Variants in TRAF5 observed in about 807,000 individuals in gnomAD.
The protein encoded by TRAF5 is TNF receptor-associated factor 5.
Under a neutral mutation model 64.5 loss-of-function variants are expected in TRAF5, and 48 were observed. The observed-to-expected ratio is 0.74, with a 90% CI of 0.59 to 0.95. The LOEUF is 0.95. TRAF5 is among the 40% of genes least tolerant of loss of function. The pLI, the probability that TRAF5 is intolerant of heterozygous loss-of-function variation, is 0.00. For missense variants in TRAF5, 545 were observed against 662.8 expected, an observed-to-expected ratio of 0.82 and a Z score of 1.95; for synonymous variants, 206 against 240.5, an observed-to-expected ratio of 0.86 and a Z score of 1.33.
chr1:211,363,233 C>T lies in TRAF5; in HGVS notation c.696+2071C>T, dbSNP rs574226420. 2.0e-5 allele frequency among the ~76,000 whole-genome samples: 3 copies of T among 152,234 alleles called. No individual in the cohort carries two copies. The South Asian group carries it at 6.2e-4, about 32-fold the overall frequency. On this transcript the variant is annotated intron_variant, in intron 7 of 10. Transcript: ENST00000261464. ...TTTCTTAAGTTATACAGTGATTTCA[C>T]ATACACAAAGACACACAAAGATGTT...
chr1:211,361,069 G>A lies in TRAF5; in HGVS notation c.622-19G>A, dbSNP rs766478189. The A allele has an allele frequency of 1.9e-6, 3 of 1,612,638 alleles. No homozygotes were observed. The highest frequency in any genetic ancestry group is 2.5e-6 in the Non-Finnish European group (3 of 1,178,724). ...AATAAGTGATGAATTTCTATAGCTT[G>A]TGACTATCCATTTCGTAGGTAGATG... On this transcript the variant is annotated intron_variant, in intron 6 of 10. Coordinates refer to ENST00000261464, the MANE Select transcript of TRAF5 (RefSeq NM_001033910.3).
intron 5 of TRAF5, 180 bp downstream of exon 5, chr1:211,360,256 AG>A (rs1452066111): frequency 1.6e-6 from 1 of 627,692 alleles, no homozygotes; most frequent in African/African-American, 1.8e-5. Context: ...TCTTGTTGGT[AG>A]CACTCCATTT....
intron 8 of TRAF5, among the ~76,000 whole-genome samples, chr1:211,367,701 A>C (rs953298155): frequency 6.6e-6 from 1 of 152,216 alleles, no homozygotes; most frequent in Admixed American, 6.5e-5. Context: ...GTGAGGGTGC[A>C]GAGAGAGACA....
In TRAF5 at chr1:211,327,411, C is replaced by T. The variant is rs368080984; in HGVS notation, c.-2+522C>T. 1.9e-4 allele frequency among the ~76,000 whole-genome samples: 29 copies of T among 152,318 alleles called. No homozygotes were observed. In the East Asian group the frequency reaches 5.2e-3, roughly 27 times the overall value. Reference sequence around the variant, plus strand: ...ACTTCAGGATTGCAAGGAATGGAAGCCTCTACCAGCTGTTCGTTTGCGCGT... The same window carrying T: ...ACTTCAGGATTGCAAGGAATGGAAGTCTCTACCAGCTGTTCGTTTGCGCGT... On this transcript the variant is annotated intron_variant, in intron 1 of 10. Transcript: ENST00000261464.
intron 1 of TRAF5, among the ~76,000 whole-genome samples, chr1:211,343,211 A>G (rs1271176153): frequency 1.2e-4 from 18 of 152,128 alleles, no homozygotes; most frequent in Admixed American, 1.2e-3. Flanking sequence ...AATTTGCCTG[A>G]GGTCACGTGG....
Position 211,372,195 on chromosome 1 carries a change from AAATG to A in TRAF5, c.1170_1173del (p.Asn390LysfsTer20), listed in dbSNP as rs768122786. ...ATATTCATAAAGCACAGCTGAGTAAAAATGAAGAGCGATTTAAACTGCTGGAGGG... is the reference window on the plus strand; with the variant it reads ...ATATTCATAAAGCACAGCTGAGTAAAAAGAGCGATTTAAACTGCTGGAGGG... On this transcript the variant is annotated frameshift_variant, in exon 11 of 11. Transcript: ENST00000261464. LOFTEE classifies it high-confidence loss of function. 6.2e-7 allele frequency: 1 copy of A among 1,614,106 alleles called. No individual in the cohort carries two copies. Among genetic ancestry groups the A allele is most frequent in the African/African-American group, 1.3e-5 (1 of 75,020 alleles).
intron 5 of TRAF5, 91 bp downstream of exon 5, chr1:211,360,167 T>C: frequency 7.5e-7 from 1 of 1,338,150 alleles, no homozygotes; most frequent in Non-Finnish European, 1.0e-6. Flanking sequence ...AGAAGAACAT[T>C]CCTGCATTTA....
intron 1 of TRAF5, among the ~76,000 whole-genome samples, chr1:211,341,488 A>C (rs1223543933): frequency 6.6e-6 from 1 of 152,252 alleles, no homozygotes; most frequent in East Asian, 1.9e-4. Context: ...CATATACCAC[A>C]TGCCCAGATG....
At chr1:211,357,609 T>C (rs1703008975) in intron 4 of TRAF5, 2 of 150,866 alleles carry the variant, frequency 1.3e-5, no homozygotes, top group African/African-American at 4.8e-5. Flanking sequence ...ACTTCTATGG[T>C]AAGGTGTAGA....
At chr1:211,331,797 C>G (rs1487328935) in intron 1 of TRAF5, among the ~76,000 whole-genome samples, 4 of 152,134 alleles carry the variant, frequency 2.6e-5, no homozygotes, top group Non-Finnish European at 5.9e-5. Flanking sequence ...TCCCAAGTAG[C>G]TGGGATTACA....
intron 5 of TRAF5, chr1:211,360,444 A>G (rs1047730115): frequency 9.8e-6 from 5 of 509,968 alleles, no homozygotes; most frequent in African/African-American, 7.7e-5. Context: ...CGAAGGAGCT[A>G]TGCTGGCAGT....
In TRAF5 at chr1:211,331,034, G is replaced by T. The variant is rs149102484; in HGVS notation, c.-2+4145G>T. ...TGTTTCAGAAGCACCTTAGACATTT[G>T]TCCGAGGCCGCCTCTTTCTCTCTGT... On this transcript the variant is annotated intron_variant, in intron 1 of 10. Transcript: ENST00000261464. Among the ~76,000 whole-genome samples, 330 of 152,230 alleles carry T rather than the reference G, an allele frequency of 2.2e-3. 2 individuals are homozygous for T. Among genetic ancestry groups the T allele is most frequent in the African/African-American group, 7.8e-3 (322 of 41,532 alleles).
chr1:211,338,470 T>G (rs1702364123), intron 1 of TRAF5, among the ~76,000 whole-genome samples: 1 of 152,168 alleles, frequency 6.6e-6, no homozygotes, highest in African/African-American at 2.4e-5. Flanking sequence ...GGGCGCAGAC[T>G]TTGCATGTGA....
chr1:211,336,881 A>G (rs1256273646), intron 1 of TRAF5, among the ~76,000 whole-genome samples: 1 of 152,072 alleles, frequency 6.6e-6, no homozygotes, highest in African/African-American at 2.4e-5. Flanking sequence ...CTGGTGTCAA[A>G]CTCCAGACCT....
chr1:211,357,419 C>T (rs1298289457), intron 4 of TRAF5: 1 of 152,116 alleles, frequency 6.6e-6, no homozygotes, highest in Non-Finnish European at 1.5e-5. Flanking sequence ...TTTGAATAGT[C>T]GAGTCCTAGA....
chr1:211,373,024 A>T lies in TRAF5; in HGVS notation c.*322A>T, dbSNP rs1703589600. The T allele has an allele frequency of 1.6e-5, 3 of 190,592 alleles. No individual in the cohort carries two copies. The highest frequency in any genetic ancestry group is 2.3e-3 in the Middle Eastern group (1 of 440). 11.8% of individuals were successfully genotyped at this position (190,592 alleles called of 1,614,324 possible). A position where few individuals can be genotyped will look rare whatever the true frequency, so the allele number is the denominator to read the frequency against. ...AGTGTCTCGGGCACTCTAAATATTGAGTGTTATGGAGGACACAGAGGTAGC... is the reference window on the plus strand; with the variant it reads ...AGTGTCTCGGGCACTCTAAATATTGTGTGTTATGGAGGACACAGAGGTAGC... On this transcript the variant is annotated 3_prime_UTR_variant, in exon 11 of 11. Transcript: ENST00000261464.
chr1:211,327,070 G>A (rs966624232), intron 1 of TRAF5, among the ~76,000 whole-genome samples, 181 bp downstream of exon 1: 4 of 152,064 alleles, frequency 2.6e-5, no homozygotes, highest in Non-Finnish European at 5.9e-5. Flanking sequence ...GGAGGCGGAG[G>A]GGCCCGGGCT....
In TRAF5 at chr1:211,350,202, T is replaced by TA. The variant is rs199658191; in HGVS notation, c.-1-3037_-1-3036insA. On this transcript the variant is annotated intron_variant, in intron 1 of 10. Transcript: ENST00000261464. Reference sequence around the variant, plus strand: ...GGAGCTTTGGTCTCAAACCCCAGGCTTTTTTTTTTTTCTTTCTTTTTTTTT... The same window carrying TA: ...GGAGCTTTGGTCTCAAACCCCAGGCTATTTTTTTTTTTCTTTCTTTTTTTTT... Among the ~76,000 whole-genome samples the TA allele has an allele frequency of 9.4e-3, 1,358 of 144,622 alleles. 20 individuals carry two copies. Among genetic ancestry groups the TA allele is most frequent in the African/African-American group, 0.032 (1,285 of 39,634 alleles). The allele number at this position is 144,622 out of a possible 152,430, so 94.9% of individuals were successfully genotyped here. A position where few individuals can be genotyped will look rare whatever the true frequency, so the allele number is the denominator to read the frequency against.
At position 211,326,843 on chromosome 1, in the gene TRAF5, G is replaced by T. The variant is rs1702027526; in HGVS notation, c.-48G>T. 2 of 984,612 alleles carry T rather than the reference G, an allele frequency of 2.0e-6. No homozygotes were observed. The highest frequency in any genetic ancestry group is 6.2e-5 in the Admixed American group (1 of 16,074). The allele number at this position is 984,612 out of a possible 1,614,324, so 61.0% of individuals were successfully genotyped here. A position where few individuals can be genotyped will look rare whatever the true frequency, so the allele number is the denominator to read the frequency against. On this transcript the variant is annotated 5_prime_UTR_variant, in exon 1 of 11. Transcript: ENST00000261464. This position sits in a 1 kb window ranked among gnomAD's most constrained non-coding sequence, Gnocchi z 5.0. ...CCGCCGGCCGCAGCCAGGAGCAGCAGCCGCGCCTGCAGACCGGCCTCGCGG... is the reference window on the plus strand; with the variant it reads ...CCGCCGGCCGCAGCCAGGAGCAGCATCCGCGCCTGCAGACCGGCCTCGCGG...
Sources: gnomAD v4.1 joint callset for allele counts (sites outside exome capture counted in the v4.1 genomes callset) on GRCh38, gnomAD v4.1.1 for gene constraint, Gnocchi (gnomAD v3.1) non-coding constraint, MANE v1.5 for transcripts, NCBI Gene and HGNC (gene_info 2026-07-23, HGNC 2026-07-21) for gene names.